The following ARHGAP21 variants were observed in gnomAD, a reference collection of about 807,000 sequenced individuals.
ARHGAP21 encodes rho GTPase-activating protein 21.
Under a neutral mutation model 164.6 loss-of-function variants are expected in ARHGAP21, and 38 were observed. The ratio of observed to expected loss-of-function variants is 0.23; its 90% CI spans 0.18 to 0.30. The LOEUF (loss-of-function observed/expected upper bound fraction) is 0.30. Among genes scored for constraint, ARHGAP21 ranks in the 10% least tolerant of loss-of-function variants. The probability of loss-of-function intolerance (pLI) is 1.00; values close to 1 mark genes in which losing one functional copy is unlikely to be tolerated. For synonymous variants in ARHGAP21, 766 were observed against 857.9 expected (o/e 0.89, Z 1.87); for missense variants, 1,822 against 2,370.7 (o/e 0.77, Z 4.81).
chr10:24,652,956 T>C (rs959324116), intron 4 of ARHGAP21, among the ~76,000 whole-genome samples: 3 of 152,172 alleles, frequency 2.0e-5, no homozygotes, highest in Non-Finnish European at 2.9e-5. Flanking sequence ...AAAGTACACA[T>C]ACAAGAATAC....
chr10:24,671,753 T>C, intron 2 of ARHGAP21, among the ~76,000 whole-genome samples: 1 of 151,480 alleles, frequency 6.6e-6, no homozygotes, highest in Admixed American at 6.6e-5. Context: ...GACAGGGTCT[T>C]GCTCTGTGGC....
chr10:24,638,729 C>G (rs1488213311), intron 4 of ARHGAP21, among the ~76,000 whole-genome samples: 1 of 152,180 alleles, frequency 6.6e-6, no homozygotes, highest in Non-Finnish European at 1.5e-5. Context: ...CTAACCTTAT[C>G]AAAAGAGAGT....
At chr10:24,722,965 C>G (rs990143277) in intron 1 of ARHGAP21, among the ~76,000 whole-genome samples, 2 of 152,000 alleles carry the variant, frequency 1.3e-5, no homozygotes, top group African/African-American at 4.8e-5. Context: ...CCACTCGACA[C>G]GGCTTCCCTT....
intron 2 of ARHGAP21, among the ~76,000 whole-genome samples, chr10:24,698,870 T>C (rs915393920): frequency 6.6e-6 from 1 of 152,224 alleles, no homozygotes; most frequent in Non-Finnish European, 1.5e-5. Context: ...TCTGCTCACA[T>C]AGGCTCAATG....
chr10:24,598,866 A>G (rs905547326), intron 14 of ARHGAP21, among the ~76,000 whole-genome samples: 3 of 152,232 alleles, frequency 2.0e-5, no homozygotes, highest in Admixed American at 6.5e-5. Context: ...CCTGATGCTT[A>G]AGTCACTGTG....
chr10:24,671,723 ATT>A (rs35051359), intron 2 of ARHGAP21, among the ~76,000 whole-genome samples: 40 of 140,038 alleles, frequency 2.9e-4, no homozygotes, highest in East Asian at 1.2e-3. Flanking sequence ...TCTTAACAAA[ATT>A]TTTTTTTTTT....
At chr10:24,592,155 G>C (rs879046932) in intron 21 of ARHGAP21, 143 bp from the exon 22 acceptor site, 9 of 295,956 alleles carry the variant, frequency 3.0e-5, no homozygotes, top group Non-Finnish European at 4.3e-5. Context: ...TTTCTAGCAA[G>C]ATTTTTTTTT....
At chr10:24,619,346 A>G (rs1834314619) in intron 9 of ARHGAP21, 127 bp downstream of exon 9, 1 of 921,194 alleles carries the variant, frequency 1.1e-6, no homozygotes, top group African/African-American at 1.7e-5. Context: ...ACAGCTTATG[A>G]GATTCACTAG....
chr10:24,618,381 G>A (rs977462923), intron 9 of ARHGAP21, among the ~76,000 whole-genome samples: 3 of 152,072 alleles, frequency 2.0e-5, no homozygotes, highest in Admixed American at 6.5e-5. Context: ...TGAGAAACAT[G>A]TAACAAAAAA....
In ARHGAP21 at chr10:24,620,358, T is replaced by C; in HGVS notation, c.1537A>G (p.Thr513Ala). 6.2e-7 allele frequency: 1 copy of C among 1,613,766 alleles called. No individual in the cohort carries two copies. The highest frequency in any genetic ancestry group is 8.5e-7 in the Non-Finnish European group (1 of 1,179,808). Residue 513 changes from threonine (T) to alanine (A), a missense_variant, in exon 9 of 26, where the codon ACT becomes GCT. Thr to Ala is a moderately conservative substitution (Grantham distance 58). This residue lies in a region of ARHGAP21 where 1,090 missense variants were observed against 1,378.9 expected (regional missense o/e 0.79). Coordinates refer to ENST00000396432, the MANE Select transcript of ARHGAP21 (RefSeq NM_020824.4). ...TCTCCATTGGAATCAGGTATTGGAG[T>C]TCCAGAATTGACATTTTCTAAGGTT... ...DETLENVNSG[T>A]PIPDSNGEKK...
intron 4 of ARHGAP21, among the ~76,000 whole-genome samples, chr10:24,651,142 CGAGG>C (rs1838122409): frequency 6.6e-6 from 1 of 152,110 alleles, no homozygotes; most frequent in African/African-American, 2.4e-5. Context: ...AAGAACTTGC[CGAGG>C]GGAAGACTGT....
chr10:24,596,576 A>T (rs937990246), intron 17 of ARHGAP21, 164 bp downstream of exon 17: 1 of 894,536 alleles, frequency 1.1e-6, no homozygotes. Flanking sequence ...ATACATTAGA[A>T]AAAAAGCATT....
chr10:24,716,681 T>C (rs1845417725), intron 2 of ARHGAP21, among the ~76,000 whole-genome samples: 1 of 152,242 alleles, frequency 6.6e-6, no homozygotes. Context: ...ATGACACAAC[T>C]TGATTTATAA....
At chr10:24,691,472 TA>T (rs200411698) in intron 2 of ARHGAP21, among the ~76,000 whole-genome samples, 6,845 of 152,284 alleles carry the variant, frequency 0.045, 232 homozygotes, top group Middle Eastern at 0.075. Flanking sequence ...CCCAACTAAG[TA>T]AAAAATTCTA....
chr10:24,683,943 A>G (rs1023936752), intron 2 of ARHGAP21, among the ~76,000 whole-genome samples: 1 of 152,246 alleles, frequency 6.6e-6, no homozygotes, highest in Non-Finnish European at 1.5e-5. Flanking sequence ...AATACTTTAT[A>G]AAGTAATTTG....
Position 24,585,206 on chromosome 10 carries a change from G to A in ARHGAP21, c.5083C>T (p.His1695Tyr), listed in dbSNP as rs2076050787. 3.1e-6 allele frequency: 5 copies of A among 1,605,940 alleles called. No homozygotes were observed. The South Asian group carries it at 5.5e-5, about 18-fold the overall frequency. ...AGAGTATCACATTCGATGAGTTTAT[G>A]GGAACTGAAGAGCTGTCTCCGGCTA... is the stretch of plus-strand genomic sequence containing the variant. The part of the protein sequence containing the change: ...LDSRRQLFSS[H>Y]KLIECDTLSR... The change falls in exon 26 of 26, where the codon CAT becomes TAT. Residue 1695 changes from histidine (H) to tyrosine (Y), a missense_variant. Physicochemically the swap from His to Tyr is moderately conservative, Grantham distance 83. Coordinates refer to ENST00000396432, the MANE Select transcript of ARHGAP21 (RefSeq NM_020824.4).
At chr10:24,590,978 G>A in intron 24 of ARHGAP21, 1 of 914,358 alleles carries the variant, frequency 1.1e-6, no homozygotes, top group African/African-American at 1.8e-5. Flanking sequence ...ACAGTGGTTT[G>A]CATGCTCATT....
At chr10:24,643,306 C>A (rs1303331107) in intron 4 of ARHGAP21, among the ~76,000 whole-genome samples, 1 of 152,186 alleles carries the variant, frequency 6.6e-6, no homozygotes, top group Admixed American at 6.5e-5. Context: ...ATTATCATAT[C>A]TAGATTCATA....
chr10:24,678,268 T>C (rs369383761), intron 2 of ARHGAP21, among the ~76,000 whole-genome samples: 14 of 152,324 alleles, frequency 9.2e-5, no homozygotes, highest in African/African-American at 3.1e-4. Flanking sequence ...TTCTCCAGTT[T>C]TACCTGTACT....
Sources: gnomAD v4.1 joint callset for allele counts (sites outside exome capture counted in the v4.1 genomes callset) on GRCh38, gnomAD v4.1.1 for gene constraint, gnomAD v4.1.1 regional missense constraint, MANE v1.5 for transcripts, NCBI Gene and HGNC (gene_info 2026-07-23, HGNC 2026-07-21) for gene names.